Variants in KIAA0825 observed in about 807,000 individuals in gnomAD.
KIAA0825 encodes uncharacterized protein KIAA0825.
KIAA0825 carries 119 observed loss-of-function variants against 147.6 expected under a neutral mutation model. The ratio of observed to expected loss-of-function variants is 0.81; its 90% confidence interval spans 0.69 to 0.94. KIAA0825 has a LOEUF of 0.94. Ranked by LOEUF, KIAA0825 falls within the 40% of genes least tolerant of loss-of-function variation. The pLI, the probability that KIAA0825 is intolerant of heterozygous loss-of-function variation, is 0.00. For synonymous variants in KIAA0825, 470 were observed against 518.1 expected (o/e 0.91, Z 1.26); for missense variants, 1,381 against 1,472.7 (o/e 0.94, Z 1.02).
At chr5:94,254,777 G>A (rs111324728) in intron 20 of KIAA0825, among the ~76,000 whole-genome samples, 1 of 151,980 alleles carries the variant, frequency 6.6e-6, no homozygotes, top group Non-Finnish European at 1.5e-5. Flanking sequence ...TTAGAATCCT[G>A]GTCTTCTGTA....
intron 14 of KIAA0825, among the ~76,000 whole-genome samples, chr5:94,436,856 C>A (rs1756442815): frequency 1.3e-5 from 2 of 152,070 alleles, no homozygotes. Flanking sequence ...TAGCTGTATT[C>A]CTAGATATTT....
At chr5:94,345,805 T>A (rs1024354832) in intron 20 of KIAA0825, among the ~76,000 whole-genome samples, 2 of 152,068 alleles carry the variant, frequency 1.3e-5, no homozygotes, top group Non-Finnish European at 2.9e-5. Context: ...TCGACAAGAC[T>A]CATGTCTCCA....
At chr5:94,526,571 C>G (rs920337050) in intron 3 of KIAA0825, among the ~76,000 whole-genome samples, 3 of 151,744 alleles carry the variant, frequency 2.0e-5, no homozygotes, top group Non-Finnish European at 4.4e-5. Flanking sequence ...TACTGAGAGG[C>G]TGTGTATAAA....
chr5:94,614,884 C>G (rs948761746), intron 1 of KIAA0825, among the ~76,000 whole-genome samples: 1 of 152,030 alleles, frequency 6.6e-6, no homozygotes, highest in Non-Finnish European at 1.5e-5. Context: ...AATCTTTTAT[C>G]CTTGCAAGAC....
chr5:94,536,534 G>A (rs1233537839), intron 3 of KIAA0825, among the ~76,000 whole-genome samples: 1 of 152,178 alleles, frequency 6.6e-6, no homozygotes, highest in Non-Finnish European at 1.5e-5. Flanking sequence ...ACGACTTTTT[G>A]GGATAGGTGA....
rs1437187570 is a variant in KIAA0825, at chr5:94,152,375, G to C, written c.*1632C>G. Among the ~76,000 whole-genome samples, 1 of 152,096 alleles carries C rather than the reference G, an allele frequency of 6.6e-6. No individual in the cohort carries two copies. The highest frequency in any genetic ancestry group is 1.5e-5 in the Non-Finnish European group (1 of 68,014). On this transcript the variant is annotated 3_prime_UTR_variant, in exon 21 of 21. Coordinates refer to ENST00000682413, the MANE Select transcript of KIAA0825 (RefSeq NM_001145678.3). ...AAAACATGAAGTTTGATGTCATATG[G>C]TCTAAAATAGCCCATGATGTAAGGC...
intron 20 of KIAA0825, among the ~76,000 whole-genome samples, chr5:94,207,352 G>C (rs1197736118): frequency 6.6e-6 from 1 of 152,060 alleles, no homozygotes; most frequent in Non-Finnish European, 1.5e-5. Context: ...CCTTCTTTTT[G>C]AAAGAATCAT....
intron 2 of KIAA0825, among the ~76,000 whole-genome samples, chr5:94,567,243 T>C (rs73147104): frequency 0.076 from 11,529 of 152,248 alleles, 479 homozygotes; most frequent in South Asian, 0.11. Context: ...TTTTCAATAA[T>C]TGCAATTCCT....
At chr5:94,615,057 T>C (rs542211132) in intron 1 of KIAA0825, among the ~76,000 whole-genome samples, 1 of 148,916 alleles carries the variant, frequency 6.7e-6, no homozygotes, top group South Asian at 2.1e-4. Flanking sequence ...ATTAGTGTCA[T>C]AGCTGGTAAA....
At chr5:94,170,323 AAAC>A (rs777325506) in intron 20 of KIAA0825, among the ~76,000 whole-genome samples, 6 of 152,196 alleles carry the variant, frequency 3.9e-5, no homozygotes, top group Non-Finnish European at 7.4e-5. Flanking sequence ...AAACAAAACA[AAAC>A]AAAACGAAAA....
intron 14 of KIAA0825, among the ~76,000 whole-genome samples, chr5:94,431,673 A>T (rs527904408): frequency 5.3e-5 from 8 of 152,226 alleles, no homozygotes; most frequent in Non-Finnish European, 1.2e-4. Context: ...AAAAATAAAT[A>T]AAAACAACAT....
chr5:94,463,290 T>C (rs1760065684), intron 11 of KIAA0825, among the ~76,000 whole-genome samples: 1 of 151,036 alleles, frequency 6.6e-6, no homozygotes, highest in Non-Finnish European at 1.5e-5. Context: ...ACATTCAGGG[T>C]TGAAGAAATA....
intron 20 of KIAA0825, among the ~76,000 whole-genome samples, chr5:94,197,172 A>C (rs1163958915): frequency 1.3e-5 from 2 of 152,150 alleles, no homozygotes; most frequent in Non-Finnish European, 2.9e-5. Context: ...GACTGGTGTG[A>C]GATAGTATCT....
intron 2 of KIAA0825, among the ~76,000 whole-genome samples, chr5:94,552,182 T>C (rs759616920): frequency 5.5e-4 from 84 of 152,072 alleles, no homozygotes; most frequent in Admixed American, 6.6e-5. Flanking sequence ...GGAATGACAT[T>C]ATACAATAAT....
In KIAA0825 at chr5:94,599,072, G is replaced by A. The variant is rs138227226; in HGVS notation, c.-152-16489C>T. Among the ~76,000 whole-genome samples the A allele has an allele frequency of 7.0e-3, 1,066 of 152,076 alleles. 15 individuals carry two copies. Among genetic ancestry groups the A allele is most frequent in the African/African-American group, 0.024 (986 of 41,488 alleles). On this transcript the variant is annotated intron_variant, in intron 1 of 20. Transcript: ENST00000682413. ...CTGAATACTGTTTTCTATCATGATT[G>A]TACTAACTTATATTCCCACCAACAG...
At chr5:94,442,375 G>C (rs982465645) in intron 13 of KIAA0825, among the ~76,000 whole-genome samples, 1 of 152,122 alleles carries the variant, frequency 6.6e-6, no homozygotes, top group South Asian at 2.1e-4. Context: ...GGCACTGTTA[G>C]CTAGGAAACC....
intron 7 of KIAA0825, among the ~76,000 whole-genome samples, chr5:94,474,594 C>T (rs1473082680): frequency 6.6e-6 from 1 of 152,040 alleles, no homozygotes; most frequent in Non-Finnish European, 1.5e-5. Flanking sequence ...ACTCATTCAG[C>T]AATAATTTAT....
chr5:94,314,555 T>C (rs1047352455), intron 20 of KIAA0825, among the ~76,000 whole-genome samples: 2 of 151,696 alleles, frequency 1.3e-5, no homozygotes, highest in African/African-American at 2.4e-5. Flanking sequence ...AGCTGGCTTC[T>C]TGTTTAGTAT....
chr5:94,362,738 T>C (rs1451625848), intron 20 of KIAA0825, among the ~76,000 whole-genome samples: 2 of 152,144 alleles, frequency 1.3e-5, no homozygotes, highest in African/African-American at 2.4e-5. Context: ...ATTTCTTTAT[T>C]TGCTATGTCT....
Sources: allele counts gnomAD v4.1 joint callset (sites outside exome capture counted in the v4.1 genomes callset), GRCh38; gene constraint gnomAD v4.1.1; transcripts MANE v1.5; gene names NCBI Gene and HGNC (gene_info 2026-07-23, HGNC 2026-07-21).